Variants in SUGCT observed in about 807,000 individuals in gnomAD.
SUGCT encodes the protein succinyl-CoA:glutarate-CoA transferase.
Under a neutral mutation model 55.0 loss-of-function variants are expected in SUGCT, and 41 were observed. That is an observed-to-expected ratio of 0.74 (90% confidence interval 0.58 to 0.97). The LOEUF is 0.97. Ranked by LOEUF, SUGCT falls within the 50% of genes least tolerant of loss-of-function variation. SUGCT has a pLI of 0.00. For missense variants in SUGCT, 568 were observed against 547.8 expected, an observed-to-expected ratio of 1.04 and a Z score of -0.37; for synonymous variants, 187 against 200.4, an observed-to-expected ratio of 0.93 and a Z score of 0.56.
At chr7:40,653,798 A>G (rs1027896804) in intron 12 of SUGCT, among the ~76,000 whole-genome samples, 8 of 152,332 alleles carry the variant, frequency 5.3e-5, no homozygotes, top group Middle Eastern at 3.4e-3. Context: ...CATGAAATCC[A>G]TCTATTAAGT....
chr7:40,498,030 A>G (rs1000375323), intron 12 of SUGCT, among the ~76,000 whole-genome samples: 1 of 152,142 alleles, frequency 6.6e-6, no homozygotes, highest in Non-Finnish European at 1.5e-5. Context: ...TTGTGGTTCA[A>G]TGTAATTACT....
intron 12 of SUGCT, among the ~76,000 whole-genome samples, chr7:40,664,495 T>C (rs892648555): frequency 6.6e-6 from 1 of 152,118 alleles, no homozygotes; most frequent in Non-Finnish European, 1.5e-5. Context: ...TCTCTGGAAA[T>C]GGATCCTAGG....
rs112101281 is a variant in SUGCT at position 40,778,303 on chromosome 7, C to T, written c.1153+28806C>T. On this transcript the variant is annotated intron_variant, in intron 13 of 13. Transcript: ENST00000335693. ...ATAATGATGATGGCTAGATTAGAAT[C>T]GTGACAATCTACTTGATTTACCTGG... Among the ~76,000 whole-genome samples, 866 of 152,286 alleles carry T rather than the reference C, an allele frequency of 5.7e-3. 7 individuals are homozygous for T. Among genetic ancestry groups the T allele is most frequent in the African/African-American group, 0.02 (815 of 41,562 alleles).
chr7:40,488,495 A>T (rs1791507511), intron 11 of SUGCT, among the ~76,000 whole-genome samples: 1 of 152,158 alleles, frequency 6.6e-6, no homozygotes, highest in South Asian at 2.1e-4. Flanking sequence ...CATTCTAAAG[A>T]TATAAGTAAT....
At chr7:40,491,899 A>T (rs1791703616) in intron 11 of SUGCT, among the ~76,000 whole-genome samples, 1 of 152,108 alleles carries the variant, frequency 6.6e-6, no homozygotes, top group South Asian at 2.1e-4. Context: ...CTGAGGCTGG[A>T]GAATCGCTTG....
At chr7:40,929,704 C>T in the SUGCT span, among the ~76,000 whole-genome samples, 2 of 152,180 alleles carry the variant, frequency 1.3e-5, no homozygotes, top group Non-Finnish European at 1.5e-5. Flanking sequence ...TGTCTCTTGG[C>T]TGCATAAATG....
intron 12 of SUGCT, among the ~76,000 whole-genome samples, chr7:40,715,391 A>G (rs1231598096): frequency 6.6e-6 from 1 of 152,100 alleles, no homozygotes; most frequent in Non-Finnish European, 1.5e-5. Flanking sequence ...CTGGCATCCA[A>G]TCCCATCTCC....
rs988050796 is a variant in SUGCT, at chr7:40,736,302, CTATTA to C, written c.1090-13128_1090-13124del. ...TAATATATTATAATATTTATATAAT[CTATTA>C]TATCTTATAATACATTATATATACA... On this transcript the variant is annotated intron_variant, in intron 12 of 13. Coordinates refer to ENST00000335693, the MANE Select transcript of SUGCT (RefSeq NM_001193313.2). 1.6e-4 allele frequency among the ~76,000 whole-genome samples: 23 copies of C among 143,252 alleles called. 1 individual carries two copies. The South Asian group carries it at 4.1e-3, about 25-fold the overall frequency. The allele number at this position is 143,252 out of a possible 152,430, so 94.0% of individuals were successfully genotyped here.
chr7:40,703,049 G>T, intron 12 of SUGCT, among the ~76,000 whole-genome samples: 1 of 144,570 alleles, frequency 6.9e-6, no homozygotes, highest in Non-Finnish European at 1.5e-5. Flanking sequence ...GTCTGTGTGT[G>T]TTTCAGCCTA....
chr7:40,205,409 AGG>A (rs2150776931), intron 6 of SUGCT, among the ~76,000 whole-genome samples: 1 of 152,122 alleles, frequency 6.6e-6, no homozygotes, highest in South Asian at 2.1e-4. Flanking sequence ...TGGGAGGCCA[AGG>A]TGGGCAGATC....
chr7:40,849,439 G>A (rs1793741181), intron 13 of SUGCT, among the ~76,000 whole-genome samples: 1 of 152,182 alleles, frequency 6.6e-6, no homozygotes, highest in Non-Finnish European at 1.5e-5. Context: ...GATGGAAGGT[G>A]CGTGGAGCTC....
At chr7:40,552,294 C>G (rs1239492199) in intron 12 of SUGCT, among the ~76,000 whole-genome samples, 1 of 152,150 alleles carries the variant, frequency 6.6e-6, no homozygotes, top group Non-Finnish European at 1.5e-5. Flanking sequence ...ATGAGAGGCC[C>G]CTCTGCCCTC....
intron 12 of SUGCT, among the ~76,000 whole-genome samples, chr7:40,572,233 A>G (rs992314246): frequency 6.6e-6 from 1 of 152,184 alleles, no homozygotes; most frequent in African/African-American, 2.4e-5. Flanking sequence ...GAGTGTAGAA[A>G]ATTGACTGTA....
intron 8 of SUGCT, among the ~76,000 whole-genome samples, chr7:40,284,056 T>C (rs1360179531): frequency 6.6e-6 from 1 of 150,720 alleles, no homozygotes; most frequent in Non-Finnish European, 1.5e-5. Context: ...GAAAGAAAAA[T>C]ATCACATGGT....
intron 6 of SUGCT, among the ~76,000 whole-genome samples, chr7:40,228,398 T>C (rs1376678493): frequency 1.3e-5 from 2 of 152,164 alleles, no homozygotes; most frequent in African/African-American, 4.8e-5. Flanking sequence ...AAAAAACCAG[T>C]TAATTTATTC....
In SUGCT at chr7:40,449,484, C is replaced by T. The variant is rs7809620; in HGVS notation, c.888+126C>T. On this transcript the variant is annotated intron_variant, in intron 10 of 13. Coordinates refer to ENST00000335693, the MANE Select transcript of SUGCT (RefSeq NM_001193313.2). ...ACTAAAAGTATAGGATATTCATGCG[C>T]ATAAAGGATAAGGCAGAGTCCAAAT... The T allele has an allele frequency of 0.15, 100,674 of 683,600 alleles. 8,241 individuals carry two copies. Among genetic ancestry groups the T allele is most frequent in the Middle Eastern group, 0.2 (818 of 4,180 alleles). 42.3% of individuals were successfully genotyped at this position (683,600 alleles called of 1,614,324 possible).
intron 7 of SUGCT, among the ~76,000 whole-genome samples, chr7:40,267,768 A>G (rs569160689): frequency 1.3e-5 from 2 of 152,246 alleles, no homozygotes; most frequent in African/African-American, 4.8e-5. Flanking sequence ...ATTTCTACTC[A>G]CTAAATGGTA....
intron 8 of SUGCT, among the ~76,000 whole-genome samples, chr7:40,305,778 CA>C (rs1794821431): frequency 6.6e-6 from 1 of 152,114 alleles, no homozygotes; most frequent in African/African-American, 2.4e-5. Flanking sequence ...CCTCCCTTCT[CA>C]GTCTCCTAAG....
chr7:40,212,523 T>C (rs1355027490), intron 6 of SUGCT, among the ~76,000 whole-genome samples: 2 of 152,006 alleles, frequency 1.3e-5, no homozygotes, highest in African/African-American at 2.4e-5. Flanking sequence ...AATTGATGAT[T>C]ATAGTTCAAT....
Sources: gnomAD v4.1 joint callset for allele counts (sites outside exome capture counted in the v4.1 genomes callset) on GRCh38, gnomAD v4.1.1 for gene constraint, MANE v1.5 for transcripts, NCBI Gene and HGNC (gene_info 2026-07-23, HGNC 2026-07-21) for gene names.